The following PLEKHA8 variants were observed in gnomAD, a reference collection of about 807,000 sequenced individuals.
PLEKHA8 encodes the protein pleckstrin homology domain-containing family A member 8.
Under a neutral mutation model 68.2 loss-of-function variants are expected in PLEKHA8, and 36 were observed. That is an observed-to-expected ratio of 0.53 (90% confidence interval 0.40 to 0.70). PLEKHA8 has a LOEUF of 0.70. Ranked by LOEUF, PLEKHA8 falls within the 30% of genes least tolerant of loss-of-function variation. The probability of loss-of-function intolerance (pLI) is 0.00; values close to 1 mark genes in which losing one functional copy is unlikely to be tolerated. For missense variants in PLEKHA8, 505 were observed against 615.4 expected (o/e 0.82, Z 1.90); for synonymous variants, 211 against 216.1 (o/e 0.98, Z 0.20).
intron 8 of PLEKHA8, 122 bp from the exon 9 acceptor site, chr7:30,055,135 G>T: frequency 2.3e-6 from 2 of 865,676 alleles, no homozygotes; most frequent in Non-Finnish European, 3.8e-6. Flanking sequence ...AGTTACTGGG[G>T]CATATCAAGT....
chr7:30,094,750 C>T (rs2128007688), downstream of PLEKHA8, among the ~76,000 whole-genome samples: 1 of 145,954 alleles, frequency 6.9e-6, no homozygotes, highest in African/African-American at 2.5e-5. Context: ...TGTTCAATTC[C>T]CACCTATAAG....
rs1482182364 is a variant in PLEKHA8 at position 30,080,765 on chromosome 7, CCTT to C, written c.*1981_*1983del. Reference sequence around the variant, plus strand: ...TCTCATGAGCAGTGAGTATAGATCTCCTTCTCTGATTAGTATGAATATGATGGC... The same window carrying C: ...TCTCATGAGCAGTGAGTATAGATCTCCTCTGATTAGTATGAATATGATGGC... On this transcript the variant is annotated 3_prime_UTR_variant, in exon 14 of 14. Transcript: ENST00000449726. The C allele has an allele frequency of 3.5e-5, 34 of 985,128 alleles. No homozygotes were observed. Among genetic ancestry groups the C allele is most frequent in the Non-Finnish European group, 4.0e-5 (33 of 829,900 alleles). The allele number at this position is 985,128 out of a possible 1,614,324, so 61.0% of individuals were successfully genotyped here. A position where few individuals can be genotyped will look rare whatever the true frequency, so the allele number is the denominator to read the frequency against.
At chr7:30,030,732 C>A (rs1790598799) in intron 1 of PLEKHA8, among the ~76,000 whole-genome samples, 1 of 152,216 alleles carries the variant, frequency 6.6e-6, no homozygotes, top group Non-Finnish European at 1.5e-5. Context: ...CATATTCTCT[C>A]CTTTTAGGAG....
At chr7:30,115,800 G>T (rs1422195892) in intron 13 of PLEKHA8, 1 of 144,602 alleles carries the variant, frequency 6.9e-6, no homozygotes. Context: ...GCACATACAT[G>T]TATACACGCA....
chr7:30,111,707 CCT>C (rs1796281034), intron 13 of PLEKHA8, among the ~76,000 whole-genome samples: 1 of 151,936 alleles, frequency 6.6e-6, no homozygotes, highest in Admixed American at 6.6e-5. Flanking sequence ...GTAACCTCCG[CCT>C]CTCAGGCTCA....
rs557333683 is a variant in PLEKHA8 at position 30,082,722 on chromosome 7, G to A, written c.*3935G>A. 6 of 985,302 alleles carry A rather than the reference G, an allele frequency of 6.1e-6. No homozygotes were observed. In the East Asian group the frequency reaches 6.8e-4, roughly 112 times the overall value. 61.0% of individuals were successfully genotyped at this position (985,302 alleles called of 1,614,324 possible). A position where few individuals can be genotyped will look rare whatever the true frequency, so the allele number is the denominator to read the frequency against. On this transcript the variant is annotated 3_prime_UTR_variant, in exon 14 of 14. Transcript: ENST00000449726. ...CATTTTTCTCCACTAAATTTGAAGTGAGGGAAAGAGGAGCCAAAGTAAGAG... is the reference window on the plus strand; with the variant it reads ...CATTTTTCTCCACTAAATTTGAAGTAAGGGAAAGAGGAGCCAAAGTAAGAG...
At chr7:30,125,352 T>C (rs1796755501) in intron 13 of PLEKHA8, among the ~76,000 whole-genome samples, 1 of 152,244 alleles carries the variant, frequency 6.6e-6, no homozygotes, top group Non-Finnish European at 1.5e-5. Flanking sequence ...CTGCGTTTAT[T>C]GGGGTAGTAA....
intron 13 of PLEKHA8, among the ~76,000 whole-genome samples, chr7:30,127,388 T>G (rs541531663): frequency 6.6e-6 from 1 of 152,286 alleles, no homozygotes; most frequent in South Asian, 2.1e-4. Context: ...ATACTATGGG[T>G]GATATTTTTT....
chr7:30,057,051 T>G (rs1364670653), intron 9 of PLEKHA8, among the ~76,000 whole-genome samples: 1 of 151,784 alleles, frequency 6.6e-6, no homozygotes, highest in Admixed American at 6.6e-5. Flanking sequence ...CCCATTTAAC[T>G]ATACATCTTT....
At chr7:30,112,518 A>G (rs542012755) in intron 13 of PLEKHA8, among the ~76,000 whole-genome samples, 27 of 152,318 alleles carry the variant, frequency 1.8e-4, no homozygotes, top group African/African-American at 6.5e-4. Flanking sequence ...GCTAAAGCAG[A>G]ACTTGAGTCA....
intron 1 of PLEKHA8, among the ~76,000 whole-genome samples, chr7:30,030,301 G>A (rs897089111): frequency 7.3e-5 from 11 of 151,586 alleles, no homozygotes; most frequent in Non-Finnish European, 2.9e-5. Flanking sequence ...TGTTTTGTGG[G>A]GTTTTTTCCC....
At chr7:30,091,959 T>C (rs1430159236), downstream of PLEKHA8, among the ~76,000 whole-genome samples, 1 of 152,298 alleles carries the variant, frequency 6.6e-6, no homozygotes, top group Non-Finnish European at 1.5e-5. Flanking sequence ...TCCACACACG[T>C]TTGTTTTAAG....
chr7:30,093,236 A>G (rs1193400066), downstream of PLEKHA8, among the ~76,000 whole-genome samples: 2 of 152,198 alleles, frequency 1.3e-5, no homozygotes, highest in African/African-American at 4.8e-5. Flanking sequence ...TTTCCTAAAT[A>G]ACAATAATAA....
intron 1 of PLEKHA8, among the ~76,000 whole-genome samples, chr7:30,044,584 G>C (rs1197681182): frequency 6.6e-6 from 1 of 152,196 alleles, no homozygotes; most frequent in Non-Finnish European, 1.5e-5. Context: ...AGGCTTCTTA[G>C]TTGGCACTCT....
At chr7:30,059,267 T>G (rs909663123) in intron 9 of PLEKHA8, among the ~76,000 whole-genome samples, 1 of 152,210 alleles carries the variant, frequency 6.6e-6, no homozygotes, top group Non-Finnish European at 1.5e-5. Context: ...TAGAATTTTA[T>G]TTTTTTATTC....
At chr7:30,103,721 A>G (rs923107448) in intron 13 of PLEKHA8, among the ~76,000 whole-genome samples, 53 of 152,248 alleles carry the variant, frequency 3.5e-4, no homozygotes, top group Non-Finnish European at 5.6e-4. Context: ...TCTATGGAAA[A>G]GATAAACCTC....
Position 30,052,725 on chromosome 7 carries a change from A to C in PLEKHA8, c.655A>C (p.Thr219Pro). ...AATTTGCAGGCAAATGGAGTTGAGC[A>C]CTTGTGAAAATGGATCTTTAAATAT... ...NSLERQMELS[T>P]CENGSLNMEI... The change falls in exon 7 of 14, where the codon ACT (threonine) becomes CCT (proline). Residue 219 changes from threonine to proline, a missense_variant. Coordinates refer to ENST00000449726, the MANE Select transcript of PLEKHA8 (RefSeq NM_001197026.2). 1.3e-6 allele frequency: 2 copies of C among 1,554,250 alleles called. No homozygotes were observed. Among genetic ancestry groups the C allele is most frequent in the African/African-American group, 1.4e-5 (1 of 70,980 alleles).
rs544316102 is a variant in PLEKHA8 at position 30,049,734 on chromosome 7, G to A, written c.597+352G>A. Among the ~76,000 whole-genome samples, 4 of 152,246 alleles carry A rather than the reference G, an allele frequency of 2.6e-5. No homozygotes were observed. The South Asian group carries it at 6.2e-4, about 24-fold the overall frequency. ...ATAAATTGAACCACTTAACCTAAGC[G>A]TTTCCAGTGGCTCCCTCATTGCCTG... On this transcript the variant is annotated intron_variant, in intron 5 of 13. Transcript: ENST00000449726.
At chr7:30,069,058 T>G (rs879692885) in intron 12 of PLEKHA8, among the ~76,000 whole-genome samples, 3 of 152,192 alleles carry the variant, frequency 2.0e-5, no homozygotes, top group Non-Finnish European at 2.9e-5. Context: ...GGTCCATTGT[T>G]CTTTTGCCCA....
Sources: allele counts gnomAD v4.1 joint callset (sites outside exome capture counted in the v4.1 genomes callset), GRCh38; gene constraint gnomAD v4.1.1; transcripts MANE v1.5; gene names NCBI Gene and HGNC (gene_info 2026-07-23, HGNC 2026-07-21).